The following ATG7 variants were observed in gnomAD, a reference collection of about 807,000 sequenced individuals.
The protein encoded by ATG7 is ubiquitin-like modifier-activating enzyme ATG7.
Under a neutral mutation model 82.4 loss-of-function variants are expected in ATG7, and 70 were observed. The observed-to-expected ratio is 0.85, with a 90% confidence interval of 0.70 to 1.04. ATG7 has a LOEUF of 1.04. ATG7 is among the 50% of genes least tolerant of loss of function. The pLI is 0.00. For synonymous variants in ATG7, 287 were observed against 313.0 expected, an observed-to-expected ratio of 0.92 and a Z score of 0.88; for missense variants, 792 against 864.3, an observed-to-expected ratio of 0.92 and a Z score of 1.05.
At chr3:11,320,242 G>GAAACC (rs1950034882) in intron 9 of ATG7, among the ~76,000 whole-genome samples, 1 of 150,984 alleles carries the variant, frequency 6.6e-6, no homozygotes, top group Non-Finnish European at 1.5e-5. Flanking sequence ...CTATAAAAAG[G>GAAACC]TTTATTCCTT....
At chr3:11,297,071 C>T (rs536039257) in intron 3 of ATG7, among the ~76,000 whole-genome samples, 5 of 152,248 alleles carry the variant, frequency 3.3e-5, no homozygotes, top group Non-Finnish European at 7.4e-5. Flanking sequence ...AAATATATCC[C>T]ATTTGGCCAG....
At chr3:11,521,784 C>T (rs535104469) in intron 20 of ATG7, among the ~76,000 whole-genome samples, 8 of 151,908 alleles carry the variant, frequency 5.3e-5, no homozygotes, top group African/African-American at 1.9e-4. Flanking sequence ...GATCTCCTGA[C>T]CTTGTGATCC....
At chr3:11,536,801 C>T (rs1226155483) in intron 20 of ATG7, among the ~76,000 whole-genome samples, 2 of 152,162 alleles carry the variant, frequency 1.3e-5, no homozygotes, top group African/African-American at 2.4e-5. Context: ...TAGGCCACAC[C>T]CCTCTCTGAG....
In ATG7 at chr3:11,369,821, A is replaced by G. The variant is rs529487258; in HGVS notation, c.1875+5087A>G. 1.5e-4 allele frequency among the ~76,000 whole-genome samples: 22 copies of G among 151,204 alleles called. 1 individual carries two copies. The South Asian group carries it at 4.2e-3, about 29-fold the overall frequency. ...TCACTTTGCCCCATGAGTTTTACCC[A>G]CTGGATGAGGCTGTCCTGTTTAGGA... On this transcript the variant is annotated intron_variant, in intron 18 of 20. Coordinates refer to ENST00000693202, the MANE Select transcript of ATG7 (RefSeq NM_001349232.2).
chr3:11,339,307 A>AAAG (rs1261243314), intron 11 of ATG7, among the ~76,000 whole-genome samples: 2 of 145,164 alleles, frequency 1.4e-5, no homozygotes, highest in Non-Finnish European at 3.0e-5. Flanking sequence ...AAAAAAAAAA[A>AAAG]AAAAAAGAAA....
intron 13 of ATG7, among the ~76,000 whole-genome samples, chr3:11,345,079 C>T (rs1954291312): frequency 6.6e-6 from 1 of 151,944 alleles, no homozygotes; most frequent in East Asian, 1.9e-4. Context: ...AGGTAAAATT[C>T]AGTTATAAAT....
chr3:11,565,056 T>C, the ATG7 span: 1 of 1,461,002 alleles, frequency 6.8e-7, no homozygotes, highest in Non-Finnish European at 9.0e-7. This position sits in a 1 kb window ranked among gnomAD's most constrained non-coding sequence, Gnocchi z 4.1. Flanking sequence ...GGGCGTTTTC[T>C]CAAAGGCAAA....
At chr3:11,445,372 A>T (rs2084440063) in intron 20 of ATG7, among the ~76,000 whole-genome samples, 1 of 152,230 alleles carries the variant, frequency 6.6e-6, no homozygotes, top group African/African-American at 2.4e-5. Context: ...CTATGCAGCC[A>T]TAAAAAAGAA....
At chr3:11,379,080 A>G (rs955095216) in intron 18 of ATG7, among the ~76,000 whole-genome samples, 1 of 152,162 alleles carries the variant, frequency 6.6e-6, no homozygotes, top group Non-Finnish European at 1.5e-5. Flanking sequence ...TCTTGGCTCC[A>G]TTACTTACTG....
chr3:11,424,661 A>G (rs887349580), intron 19 of ATG7, among the ~76,000 whole-genome samples: 8 of 152,124 alleles, frequency 5.3e-5, no homozygotes, highest in African/African-American at 1.9e-4. Context: ...TTGAATAATT[A>G]TTAAGTAACA....
In ATG7 at chr3:11,396,782, C is replaced by CAA. The variant is rs776333119; in HGVS notation, c.1956+16744_1956+16745dup. On this transcript the variant is annotated intron_variant, in intron 19 of 20. Transcript: ENST00000693202. ...GGGCTACAGAGCAAGACTCTGTCTC[C>CAA]AAAAAAAAAAAAAAAGAAAAGAAAA... is the stretch of plus-strand genomic sequence containing the variant. 4.2e-3 allele frequency among the ~76,000 whole-genome samples: 395 copies of CAA among 94,228 alleles called. 1 individual carries two copies. Among genetic ancestry groups the CAA allele is most frequent in the Non-Finnish European group, 4.8e-3 (194 of 40,252 alleles). 61.8% of individuals were successfully genotyped at this position (94,228 alleles called of 152,430 possible).
At chr3:11,358,744 T>C in intron 15 of ATG7, 132 bp downstream of exon 15, 1 of 925,550 alleles carries the variant, frequency 1.1e-6, no homozygotes, top group East Asian at 2.7e-5. Context: ...CCAAAGGGCT[T>C]CTGCTTCAGA....
chr3:11,333,601 T>C (rs1951948806), intron 11 of ATG7, among the ~76,000 whole-genome samples: 1 of 151,970 alleles, frequency 6.6e-6, no homozygotes, highest in Non-Finnish European at 1.5e-5. Context: ...AAACTTAGAC[T>C]GAGAGACATT....
chr3:11,360,280 AGACAG>A (rs2076206204), intron 15 of ATG7, among the ~76,000 whole-genome samples: 1 of 152,216 alleles, frequency 6.6e-6, no homozygotes, highest in Admixed American at 6.5e-5. Context: ...TCCTGACCTC[AGACAG>A]TCTGCCCGCC....
intron 19 of ATG7, among the ~76,000 whole-genome samples, chr3:11,385,681 C>T (rs544407312): frequency 1.3e-5 from 2 of 152,294 alleles, no homozygotes; most frequent in Admixed American, 1.3e-4. Context: ...TAGGGAAGGC[C>T]TTGCAGAGGA....
chr3:11,497,991 A>G (rs946065887), intron 20 of ATG7, among the ~76,000 whole-genome samples: 1 of 152,136 alleles, frequency 6.6e-6, no homozygotes, highest in Non-Finnish European at 1.5e-5. Context: ...TGGAGATTTA[A>G]TATTTCTTTG....
rs532537639 is a variant in ATG7 at position 11,308,719 on chromosome 3, C to T, written c.334-265C>T. The T allele has an allele frequency of 1.3e-4, 67 of 513,468 alleles. 1 individual carries two copies. In the South Asian group the frequency reaches 1.6e-3, roughly 12 times the overall value. The allele number at this position is 513,468 out of a possible 1,614,324, so 31.8% of individuals were successfully genotyped here. On this transcript the variant is annotated intron_variant, in intron 6 of 20. Coordinates refer to ENST00000693202, the MANE Select transcript of ATG7 (RefSeq NM_001349232.2). ...GAGATTGTGAAGGCATGAAAATGGC[C>T]TGGTTGCCCCCTCGGTGCTGAGATC...
chr3:11,374,319 C>T (rs538701446), intron 18 of ATG7, among the ~76,000 whole-genome samples: 2 of 152,164 alleles, frequency 1.3e-5, no homozygotes, highest in Non-Finnish European at 2.9e-5. Context: ...CCAACCAATA[C>T]AGTTCAATTG....
intron 3 of ATG7, among the ~76,000 whole-genome samples, chr3:11,290,886 T>G (rs1477010321): frequency 1.3e-5 from 2 of 152,086 alleles, no homozygotes; most frequent in South Asian, 4.1e-4. Flanking sequence ...GGTTTCGCCA[T>G]GTTGGTCAGG....
Sources: allele counts gnomAD v4.1 joint callset (sites outside exome capture counted in the v4.1 genomes callset), GRCh38; gene constraint gnomAD v4.1.1; non-coding constraint Gnocchi (gnomAD v3.1); transcripts MANE v1.5; gene names NCBI Gene and HGNC (gene_info 2026-07-23, HGNC 2026-07-21).